The following MFAP3L variants were observed in gnomAD, a reference collection of about 807,000 sequenced individuals.
MFAP3L encodes microfibril associated protein 3 like.
A neutral mutation model predicts 20.0 loss-of-function variants in MFAP3L; 5 were observed. That is an observed-to-expected ratio of 0.25 (90% CI 0.13 to 0.53). The LOEUF is 0.53. MFAP3L is among the 20% of genes least tolerant of loss of function. The pLI, the probability that MFAP3L is intolerant of heterozygous loss-of-function variation, is 0.96. For synonymous variants in MFAP3L, 219 were observed against 213.0 expected (o/e 1.03, Z -0.25); for missense variants, 409 against 527.5 (o/e 0.78, Z 2.20).
rs1003211661 is a variant in MFAP3L, at chr4:169,992,975, T to C, written c.299-666A>G. Among the ~76,000 whole-genome samples the C allele has an allele frequency of 1.4e-4, 21 of 152,234 alleles. No homozygotes were observed. The highest frequency in any genetic ancestry group is 4.6e-4 in the African/African-American group (19 of 41,470). On this transcript the variant is annotated intron_variant, in intron 2 of 2. Coordinates refer to ENST00000361618, the MANE Select transcript of MFAP3L (RefSeq NM_021647.8). This position sits in a 1 kb window ranked among gnomAD's most constrained non-coding sequence, Gnocchi z 4.3. ...AATGTGAGTATTCAGAGGCTGGATA[T>C]GAATTAATATCAATTTGTTTTAGCC... is the stretch of plus-strand genomic sequence containing the variant.
chr4:170,015,774 A>G (rs1739660958), intron 1 of MFAP3L, among the ~76,000 whole-genome samples: 1 of 152,146 alleles, frequency 6.6e-6, no homozygotes, highest in African/African-American at 2.4e-5. Context: ...AGCAGGCTGG[A>G]GTGAAGCCTG....
chr4:170,017,078 G>C (rs1232786656), intron 1 of MFAP3L, among the ~76,000 whole-genome samples: 1 of 152,192 alleles, frequency 6.6e-6, no homozygotes, highest in Non-Finnish European at 1.5e-5. Context: ...TCACAGCGTA[G>C]GAACTAGATC....
At chr4:170,025,643 C>T (rs1740304128) in intron 1 of MFAP3L, among the ~76,000 whole-genome samples, 1 of 152,208 alleles carries the variant, frequency 6.6e-6, no homozygotes. Context: ...CCATTCCACG[C>T]CATGAAGCAA....
chr4:170,007,792 C>T (rs1012322050), intron 1 of MFAP3L, among the ~76,000 whole-genome samples: 2 of 152,138 alleles, frequency 1.3e-5, no homozygotes, highest in Non-Finnish European at 2.9e-5. Flanking sequence ...GGCTGGGTCA[C>T]TCATTATTGA....
intron 2 of MFAP3L, among the ~76,000 whole-genome samples, chr4:170,002,593 T>C (rs1396076786): frequency 6.6e-6 from 1 of 152,054 alleles, no homozygotes; most frequent in Non-Finnish European, 1.5e-5. Context: ...CACTGCAACC[T>C]CTGCCTCCCA....
At chr4:170,015,503 C>T (rs11727589) in intron 1 of MFAP3L, among the ~76,000 whole-genome samples, 9,329 of 152,280 alleles carry the variant, frequency 0.061, 397 homozygotes, top group Non-Finnish European at 0.093. Context: ...ACAGCTTGTG[C>T]GCCACGCAGC....
chr4:169,987,818 A>G lies in MFAP3L; in HGVS notation c.*3560T>C, dbSNP rs1287139510. The G allele has an allele frequency of 6.6e-6, 1 of 152,218 alleles. No homozygotes were observed. The highest frequency in any genetic ancestry group is 1.5e-5 in the Non-Finnish European group (1 of 68,034). The allele number at this position is 152,218 out of a possible 1,614,324, so 9.4% of individuals were successfully genotyped here. On this transcript the variant is annotated 3_prime_UTR_variant, in exon 3 of 3. Transcript: ENST00000361618. ...ATCAGTCCATTAAAATAATTTACATAGCCATAGGTAAATTCATCCAGTCTT... is the reference window on the plus strand; with the variant it reads ...ATCAGTCCATTAAAATAATTTACATGGCCATAGGTAAATTCATCCAGTCTT...
At chr4:170,016,708 T>C (rs775237827) in intron 1 of MFAP3L, among the ~76,000 whole-genome samples, 1 of 152,266 alleles carries the variant, frequency 6.6e-6, no homozygotes, top group Non-Finnish European at 1.5e-5. Context: ...ATTCTACTTA[T>C]ATGCCCTCTA....
At position 170,002,267 on chromosome 4, in the gene MFAP3L, C is replaced by T. The variant is rs1738686330; in HGVS notation, c.298+3313G>A. The stretch of plus-strand genomic sequence containing the variant: ...GTGGGGCACAGAGGGAGAATGAATA[C>T]CCGCTGGCCACACTCTGGTTGTGTC... On this transcript the variant is annotated intron_variant, in intron 2 of 2. Coordinates refer to ENST00000361618, the MANE Select transcript of MFAP3L (RefSeq NM_021647.8). 9.1e-6 allele frequency: 9 copies of T among 985,158 alleles called. No individual in the cohort carries two copies. In the South Asian group the frequency reaches 2.8e-4, roughly 31 times the overall value. The allele number at this position is 985,158 out of a possible 1,614,324, so 61.0% of individuals were successfully genotyped here. A position where few individuals can be genotyped will look rare whatever the true frequency, so the allele number is the denominator to read the frequency against.
chr4:169,987,549 C>G lies in MFAP3L; in HGVS notation c.*3829G>C, dbSNP rs1032984637. The G allele has an allele frequency of 2.6e-5, 4 of 152,142 alleles. No individual in the cohort carries two copies. The highest frequency in any genetic ancestry group is 5.9e-5 in the Non-Finnish European group (4 of 67,998). The allele number at this position is 152,142 out of a possible 1,614,324, so 9.4% of individuals were successfully genotyped here. A position where few individuals can be genotyped will look rare whatever the true frequency, so the allele number is the denominator to read the frequency against. On this transcript the variant is annotated 3_prime_UTR_variant, in exon 3 of 3. Transcript: ENST00000361618. ...GCCACTGAAGAGTTTTAGCACTGAT[C>G]AACACTGTATTTCCTAGGGCAGAAT...
intron 2 of MFAP3L, among the ~76,000 whole-genome samples, chr4:169,996,114 C>T (rs905598681): frequency 3.3e-5 from 5 of 150,166 alleles, no homozygotes; most frequent in Admixed American, 6.7e-5. Flanking sequence ...TGCTCACACA[C>T]GCTGCAGGAC....
At chr4:170,014,682 T>C (rs1739588327) in intron 1 of MFAP3L, among the ~76,000 whole-genome samples, 1 of 152,210 alleles carries the variant, frequency 6.6e-6, no homozygotes, top group Admixed American at 6.6e-5. Context: ...TGAGTTTACA[T>C]TTTCTTGCTA....
chr4:170,003,010 C>CA (rs1048444360), intron 2 of MFAP3L, among the ~76,000 whole-genome samples: 21 of 152,076 alleles, frequency 1.4e-4, no homozygotes, highest in African/African-American at 4.8e-4. Context: ...TTCCAGCTCT[C>CA]AGATTCTGAT....
intron 1 of MFAP3L, among the ~76,000 whole-genome samples, chr4:170,007,701 G>C (rs1739132802): frequency 6.6e-6 from 1 of 152,042 alleles, no homozygotes; most frequent in Admixed American, 6.6e-5. Context: ...TTCAGCACTG[G>C]GTCCTTTGCA....
chr4:170,001,787 A>C (rs749983404), intron 2 of MFAP3L, among the ~76,000 whole-genome samples: 7 of 152,202 alleles, frequency 4.6e-5, no homozygotes, highest in Non-Finnish European at 8.8e-5. Context: ...TCTTTGCTGA[A>C]CTACAAAAAC....
intron 1 of MFAP3L, among the ~76,000 whole-genome samples, chr4:170,013,990 C>T (rs1003745772): frequency 2.0e-5 from 3 of 152,182 alleles, no homozygotes; most frequent in African/African-American, 7.2e-5. Flanking sequence ...GGCCTTTATG[C>T]TGCCAGGCCA....
intron 2 of MFAP3L, among the ~76,000 whole-genome samples, chr4:170,004,247 C>T (rs1218306297): frequency 1.3e-5 from 2 of 150,326 alleles, no homozygotes; most frequent in East Asian, 3.9e-4. Flanking sequence ...CTAGTCATAG[C>T]CACTTAATAA....
chr4:170,001,444 T>TA (rs373338669), intron 2 of MFAP3L, among the ~76,000 whole-genome samples: 122 of 152,260 alleles, frequency 8.0e-4, no homozygotes, highest in African/African-American at 2.6e-3. Context: ...ACAGGAAAAG[T>TA]AAAAAACCTA....
At position 169,988,282 on chromosome 4, in the gene MFAP3L, T is replaced by C. The variant is rs1264536443; in HGVS notation, c.*3096A>G. 1.3e-5 allele frequency: 2 copies of C among 152,174 alleles called. No individual in the cohort carries two copies. The highest frequency in any genetic ancestry group is 2.9e-5 in the Non-Finnish European group (2 of 68,026). The allele number at this position is 152,174 out of a possible 1,614,324, so 9.4% of individuals were successfully genotyped here. On this transcript the variant is annotated 3_prime_UTR_variant, in exon 3 of 3. Coordinates refer to ENST00000361618, the MANE Select transcript of MFAP3L (RefSeq NM_021647.8). ...ACAAAACCATTATAAATTACATAGA[T>C]TTTTCCATATAAAATTGTTTTCCCC...
Sources: allele counts gnomAD v4.1 joint callset (sites outside exome capture counted in the v4.1 genomes callset), GRCh38; gene constraint gnomAD v4.1.1; non-coding constraint Gnocchi (gnomAD v3.1); transcripts MANE v1.5; gene names NCBI Gene and HGNC (gene_info 2026-07-23, HGNC 2026-07-21).